The following SHANK2 variants were observed in gnomAD, a reference collection of about 807,000 sequenced individuals.
SHANK2 encodes the protein SH3 and multiple ankyrin repeat domains protein 2.
In SHANK2, 43 loss-of-function variants were observed where a neutral mutation model predicts 133.7. The ratio of observed to expected loss-of-function variants is 0.32; its 90% CI spans 0.25 to 0.41. The LOEUF is 0.41. Ranked by LOEUF, SHANK2 falls within the 10% of genes least tolerant of loss-of-function variation. The pLI, the probability that SHANK2 is intolerant of heterozygous loss-of-function variation, is 1.00. For missense variants in SHANK2, 1,994 were observed against 2,235.8 expected, an observed-to-expected ratio of 0.89 and a Z score of 2.18; for synonymous variants, 1,017 against 952.8, an observed-to-expected ratio of 1.07 and a Z score of -1.24.
chr11:70,773,422 C>A (rs1405272425), intron 14 of SHANK2, among the ~76,000 whole-genome samples: 2 of 152,176 alleles, frequency 1.3e-5, no homozygotes, highest in Non-Finnish European at 1.5e-5. Flanking sequence ...AGCAATGGTG[C>A]TTTGGAAGGA....
intron 3 of SHANK2, among the ~76,000 whole-genome samples, chr11:71,140,156 C>T (rs576309851): frequency 1.3e-5 from 2 of 152,342 alleles, no homozygotes; most frequent in African/African-American, 4.8e-5. Context: ...TTGCTGAGAG[C>T]TCACACCCGG....
intron 4 of SHANK2, among the ~76,000 whole-genome samples, chr11:71,117,727 G>A (rs1952005329): frequency 6.6e-6 from 1 of 152,170 alleles, no homozygotes; most frequent in Non-Finnish European, 1.5e-5. Context: ...AACTCCACAG[G>A]GATGGAAGCT....
intron 3 of SHANK2, among the ~76,000 whole-genome samples, chr11:71,145,612 C>T (rs569985720): frequency 5.9e-5 from 9 of 152,334 alleles, no homozygotes; most frequent in East Asian, 3.9e-4. Context: ...ATTTAGCCCT[C>T]GCTGGGGACC....
In SHANK2 at chr11:71,147,475, C is replaced by T. The variant is rs79255557; in HGVS notation, c.-12-137G>A. 2,670 of 579,144 alleles carry T rather than the reference C, an allele frequency of 4.6e-3. 47 individuals are homozygous for T. Among genetic ancestry groups the T allele is most frequent in the African/African-American group, 0.045 (2,357 of 52,762 alleles). 35.9% of individuals were successfully genotyped at this position (579,144 alleles called of 1,614,324 possible). ...TGTGTTTGTTGGTGTGACCACCAGC[C>T]GAGGGCCCCAGGTATGCACAATGTA... is the stretch of plus-strand genomic sequence containing the variant. On this transcript the variant is annotated intron_variant, in intron 2 of 25. Transcript: ENST00000601538.
intron 10 of SHANK2, among the ~76,000 whole-genome samples, chr11:70,942,371 T>G (rs1378538113): frequency 6.6e-6 from 1 of 152,098 alleles, no homozygotes; most frequent in Non-Finnish European, 1.5e-5. Context: ...GTCCTGGCTT[T>G]ATAACAAGCC....
intron 1 of SHANK2, among the ~76,000 whole-genome samples, chr11:71,233,148 A>C (rs1591042507): frequency 1.6e-5 from 1 of 63,026 alleles, no homozygotes; most frequent in African/African-American, 7.7e-5. Context: ...CATCTCTACC[A>C]AAAAAAAAAA....
chr11:71,201,843 G>T (rs1954026484), intron 2 of SHANK2, among the ~76,000 whole-genome samples: 1 of 152,184 alleles, frequency 6.6e-6, no homozygotes, highest in South Asian at 2.1e-4. Flanking sequence ...ACCTACTCCA[G>T]TTCCTCCAGT....
intron 17 of SHANK2, among the ~76,000 whole-genome samples, chr11:70,527,115 A>G (rs2059408585): frequency 6.6e-6 from 1 of 152,044 alleles, no homozygotes; most frequent in Non-Finnish European, 1.5e-5. Context: ...CTGACCCACA[A>G]ACGGCTCTGA....
chr11:70,892,794 G>A (rs1949869405), intron 11 of SHANK2, among the ~76,000 whole-genome samples: 1 of 152,150 alleles, frequency 6.6e-6, no homozygotes, highest in Non-Finnish European at 1.5e-5. Context: ...GAGGGAGCAC[G>A]CATAGGAGCT....
At chr11:71,216,723 T>C (rs1294229409) in intron 2 of SHANK2, among the ~76,000 whole-genome samples, 1 of 152,156 alleles carries the variant, frequency 6.6e-6, no homozygotes, top group African/African-American at 2.4e-5. Flanking sequence ...ACGTCGTAGC[T>C]CAATGCATTC....
At chr11:71,087,536 T>C (rs1308887120) in intron 8 of SHANK2, among the ~76,000 whole-genome samples, 3 of 152,150 alleles carry the variant, frequency 2.0e-5, no homozygotes, top group Non-Finnish European at 4.4e-5. Context: ...CTGTGATGTC[T>C]AAAGGGAAGA....
chr11:70,624,372 G>C (rs144664738), intron 17 of SHANK2, among the ~76,000 whole-genome samples: 2 of 151,886 alleles, frequency 1.3e-5, no homozygotes, highest in African/African-American at 2.4e-5. Context: ...CCAGCTCTGC[G>C]GCCCTCAGAC....
intron 17 of SHANK2, among the ~76,000 whole-genome samples, chr11:70,503,598 C>T (rs917949911): frequency 6.6e-6 from 1 of 152,178 alleles, no homozygotes; most frequent in Admixed American, 6.5e-5. Flanking sequence ...AGGCTGGGGA[C>T]CCCCAAGGCT....
intron 9 of SHANK2, among the ~76,000 whole-genome samples, chr11:71,060,598 C>A: frequency 6.6e-6 from 1 of 152,374 alleles, no homozygotes; most frequent in Admixed American, 6.5e-5. Flanking sequence ...GCTTCTGTCA[C>A]CTCTCACTAT....
intron 17 of SHANK2, among the ~76,000 whole-genome samples, chr11:70,522,366 A>G (rs924568384): frequency 6.6e-6 from 1 of 152,186 alleles, no homozygotes; most frequent in Non-Finnish European, 1.5e-5. Flanking sequence ...CTAAAAATTC[A>G]TTTATTCTTG....
At chr11:71,109,743 C>T (rs182214190) in intron 6 of SHANK2, among the ~76,000 whole-genome samples, 198 bp downstream of exon 6, 4 of 152,398 alleles carry the variant, frequency 2.6e-5, no homozygotes, top group African/African-American at 9.6e-5. Context: ...ACGCAAGATG[C>T]TGGGGATGCC....
chr11:70,924,253 A>G (rs1273573349), intron 10 of SHANK2, among the ~76,000 whole-genome samples: 2 of 152,008 alleles, frequency 1.3e-5, no homozygotes, highest in African/African-American at 4.8e-5. Flanking sequence ...TATTGAGGAC[A>G]TGCCCCAGAG....
At chr11:71,058,100 G>C (rs1339479382) in intron 9 of SHANK2, among the ~76,000 whole-genome samples, 1 of 151,728 alleles carries the variant, frequency 6.6e-6, no homozygotes, top group African/African-American at 2.4e-5. Context: ...CCCCCGTGTT[G>C]TCTAGGCTGG....
chr11:71,056,896 A>G (rs1414333233), intron 9 of SHANK2, among the ~76,000 whole-genome samples: 4 of 152,232 alleles, frequency 2.6e-5, no homozygotes, highest in Non-Finnish European at 5.9e-5. Context: ...ATCTGGAGCT[A>G]GCATACATGT....
Sources: gnomAD v4.1 joint callset for allele counts (sites outside exome capture counted in the v4.1 genomes callset) on GRCh38, gnomAD v4.1.1 for gene constraint, MANE v1.5 for transcripts, NCBI Gene and HGNC (gene_info 2026-07-23, HGNC 2026-07-21) for gene names.